Variants in ZNF804B observed in about 807,000 individuals in gnomAD.
The protein encoded by ZNF804B is zinc finger protein 804B.
In ZNF804B, 80 loss-of-function variants were observed where a neutral mutation model predicts 101.4. That is an observed-to-expected ratio of 0.79 (90% CI 0.66 to 0.95). ZNF804B has a LOEUF of 0.95. ZNF804B is among the 40% of genes least tolerant of loss of function. ZNF804B has a pLI of 0.00. For synonymous variants in ZNF804B, 622 were observed against 558.8 expected (o/e 1.11, Z -1.59); for missense variants, 1,673 against 1,561.9 (o/e 1.07, Z -1.20).
At chr7:89,056,176 G>A (rs569201522) in intron 1 of ZNF804B, among the ~76,000 whole-genome samples, 2 of 152,094 alleles carry the variant, frequency 1.3e-5, no homozygotes, top group African/African-American at 4.8e-5. Flanking sequence ...CCAACAAAAG[G>A]GATGGATAAG....
intron 1 of ZNF804B, among the ~76,000 whole-genome samples, chr7:88,792,635 C>G (rs1389526474): frequency 6.6e-6 from 1 of 152,032 alleles, no homozygotes; most frequent in South Asian, 2.1e-4. Context: ...TATTGACATG[C>G]CCCTGTGTCT....
chr7:88,882,849 G>A (rs1195588271), intron 1 of ZNF804B, among the ~76,000 whole-genome samples: 1 of 152,048 alleles, frequency 6.6e-6, no homozygotes, highest in African/African-American at 2.4e-5. Context: ...ATACTGGGGG[G>A]ACTATTACAG....
intron 2 of ZNF804B, among the ~76,000 whole-genome samples, chr7:89,313,323 G>A (rs1441872173): frequency 6.6e-6 from 1 of 152,138 alleles, no homozygotes. Flanking sequence ...TTAACACATG[G>A]AAATTATCCT....
At chr7:89,225,106 C>G (rs1284853651) in intron 2 of ZNF804B, among the ~76,000 whole-genome samples, 1 of 151,974 alleles carries the variant, frequency 6.6e-6, no homozygotes, top group Non-Finnish European at 1.5e-5. Context: ...TTAGATGTCA[C>G]CTCTTCAGTA....
chr7:89,250,890 T>C (rs1259366585), intron 2 of ZNF804B, among the ~76,000 whole-genome samples: 1 of 152,166 alleles, frequency 6.6e-6, no homozygotes, highest in Non-Finnish European at 1.5e-5. Context: ...AAATCTAACA[T>C]GTCTTCATGT....
chr7:88,977,014 T>C (rs1007799955), intron 1 of ZNF804B, among the ~76,000 whole-genome samples: 1 of 151,848 alleles, frequency 6.6e-6, no homozygotes, highest in Non-Finnish European at 1.5e-5. Context: ...TACTTCATTC[T>C]GTTGATACGA....
chr7:89,290,109 A>T (rs1466807852), intron 2 of ZNF804B, among the ~76,000 whole-genome samples: 1 of 150,854 alleles, frequency 6.6e-6, no homozygotes, highest in Non-Finnish European at 1.5e-5. Context: ...GACATACCCT[A>T]GGCCAGAAGG....
Position 88,973,904 on chromosome 7 carries a change from G to T in ZNF804B, c.108+213820G>T, listed in dbSNP as rs76399771. Among the ~76,000 whole-genome samples the T allele has an allele frequency of 2.4e-3, 363 of 151,324 alleles. 7 individuals carry two copies. The highest frequency in any genetic ancestry group is 0.021 in the East Asian group (108 of 5,090). ...ACACAACTTTTTTTAAATTCCTTATGGCTCTTTTTCCTGTTCTTATGAGAA... is the reference window on the plus strand; with the variant it reads ...ACACAACTTTTTTTAAATTCCTTATTGCTCTTTTTCCTGTTCTTATGAGAA... On this transcript the variant is annotated intron_variant, in intron 1 of 3. Transcript: ENST00000333190.
chr7:88,796,676 C>A (rs891811870), intron 1 of ZNF804B, among the ~76,000 whole-genome samples: 1 of 152,124 alleles, frequency 6.6e-6, no homozygotes, highest in Non-Finnish European at 1.5e-5. Context: ...CTGGAAAATA[C>A]TTAGGCTCTG....
intron 2 of ZNF804B, among the ~76,000 whole-genome samples, chr7:89,314,555 T>C (rs1000037093): frequency 6.6e-6 from 1 of 152,176 alleles, no homozygotes; most frequent in Non-Finnish European, 1.5e-5. Flanking sequence ...ATGATTATAA[T>C]TCATACATAC....
chr7:88,917,827 C>T (rs146449353), intron 1 of ZNF804B, among the ~76,000 whole-genome samples: 19 of 151,876 alleles, frequency 1.3e-4, no homozygotes, highest in Admixed American at 2.6e-4. Context: ...AGAAGAAAAA[C>T]GTGAGCAAAT....
chr7:88,805,208 T>C (rs754376734), intron 1 of ZNF804B, among the ~76,000 whole-genome samples: 3 of 151,104 alleles, frequency 2.0e-5, no homozygotes, highest in Non-Finnish European at 2.9e-5. Flanking sequence ...TACTAAAACA[T>C]TATTGTATTC....
At chr7:89,279,638 A>T (rs1229795960) in intron 2 of ZNF804B, among the ~76,000 whole-genome samples, 2 of 152,230 alleles carry the variant, frequency 1.3e-5, no homozygotes, top group Admixed American at 1.3e-4. Context: ...GGTTCTGTTT[A>T]TATGCTGGAT....
intron 1 of ZNF804B, among the ~76,000 whole-genome samples, chr7:89,103,143 C>T (rs1790086974): frequency 7.7e-6 from 1 of 130,694 alleles, no homozygotes; most frequent in African/African-American, 2.8e-5. Flanking sequence ...TCAGGCAATG[C>T]AATGTCTCCA....
chr7:88,954,052 T>C (rs1793264820), intron 1 of ZNF804B, among the ~76,000 whole-genome samples: 1 of 151,762 alleles, frequency 6.6e-6, no homozygotes, highest in South Asian at 2.1e-4. Context: ...TGCCCCTCTT[T>C]CAGTATTTTC....
At chr7:88,920,961 G>A (rs1443530915) in intron 1 of ZNF804B, among the ~76,000 whole-genome samples, 5 of 152,008 alleles carry the variant, frequency 3.3e-5, no homozygotes, top group African/African-American at 4.8e-5. Context: ...GGTATGGATA[G>A]CAAGAGTTGT....
At chr7:89,245,800 C>T (rs760983791) in intron 2 of ZNF804B, among the ~76,000 whole-genome samples, 3 of 152,074 alleles carry the variant, frequency 2.0e-5, no homozygotes, top group Non-Finnish European at 4.4e-5. Flanking sequence ...CAAAAAGCCC[C>T]TGTGACAGCA....
chr7:89,036,084 C>T (rs1256728952), intron 1 of ZNF804B, among the ~76,000 whole-genome samples: 1 of 148,600 alleles, frequency 6.7e-6, no homozygotes, highest in African/African-American at 2.5e-5. Context: ...TATGTGGTAC[C>T]TGCAGTGCTC....
At chr7:89,183,809 TCTGGCATTTGAATATACAG>T (rs1483932332) in intron 1 of ZNF804B, among the ~76,000 whole-genome samples, 1 of 152,196 alleles carries the variant, frequency 6.6e-6, no homozygotes, top group Non-Finnish European at 1.5e-5. Context: ...TCTAAATCCT[TCTGGCATTTGAATATACAG>T]CTTCCAAATT....
Sources: allele counts gnomAD v4.1 joint callset (sites outside exome capture counted in the v4.1 genomes callset), GRCh38; gene constraint gnomAD v4.1.1; transcripts MANE v1.5; gene names NCBI Gene and HGNC (gene_info 2026-07-23, HGNC 2026-07-21).